Variants in FGF14 observed in about 807,000 individuals in gnomAD.
FGF14 encodes fibroblast growth factor homologous factor 4.
A neutral mutation model predicts 25.5 loss-of-function variants in FGF14; 5 were observed. That is an observed-to-expected ratio of 0.20 (90% CI 0.10 to 0.41). The LOEUF is 0.41. Among genes scored for constraint, FGF14 ranks in the 10% least tolerant of loss-of-function variants. The pLI is 1.00. For synonymous variants in FGF14, 138 were observed against 118.3 expected (o/e 1.17, Z -1.08); for missense variants, 222 against 320.1 (o/e 0.69, Z 2.34).
chr13:101,975,962 T>C (rs1268908443), intron 1 of FGF14, among the ~76,000 whole-genome samples: 1 of 152,206 alleles, frequency 6.6e-6, no homozygotes, highest in Non-Finnish European at 1.5e-5. Flanking sequence ...GGCCTGGTTC[T>C]GTGGGAAGCA....
At chr13:102,055,541 C>T (rs1329591556) in intron 1 of FGF14, among the ~76,000 whole-genome samples, 2 of 152,206 alleles carry the variant, frequency 1.3e-5, no homozygotes, top group Admixed American at 6.5e-5. Context: ...TTACCCTGTT[C>T]TATTAACAAA....
intron 1 of FGF14, among the ~76,000 whole-genome samples, chr13:102,374,643 T>TA (rs1273984679): frequency 1.8e-4 from 17 of 95,468 alleles, no homozygotes; most frequent in South Asian, 1.1e-3. Context: ...TCTTACATAT[T>TA]TTATATATAT....
chr13:102,066,483 T>C, intron 1 of FGF14, among the ~76,000 whole-genome samples: 1 of 152,278 alleles, frequency 6.6e-6, no homozygotes, highest in Middle Eastern at 3.4e-3. Flanking sequence ...GTAAGGACAT[T>C]GACAAGCATG....
chr13:102,292,312 ATTTCAAAGCAT>A (rs908364037), intron 1 of FGF14: 1 of 149,166 alleles, frequency 6.7e-6, no homozygotes, highest in Non-Finnish European at 1.5e-5. Context: ...AAAACTGACA[ATTTCAAAGCAT>A]TTTCAAAGCA....
At chr13:101,905,981 T>C (rs2032191569) in intron 1 of FGF14, among the ~76,000 whole-genome samples, 1 of 152,110 alleles carries the variant, frequency 6.6e-6, no homozygotes, top group Non-Finnish European at 1.5e-5. Context: ...AAGTATGAGA[T>C]GTGGTATGCA....
intron 1 of FGF14, chr13:102,395,060 A>T (rs193251108): frequency 6.6e-6 from 1 of 152,386 alleles, no homozygotes; most frequent in East Asian, 1.9e-4. Flanking sequence ...CAAATAGATC[A>T]GGGTGGTAGG....
intron 3 of FGF14, among the ~76,000 whole-genome samples, chr13:101,755,576 CA>C (rs1490438581): frequency 7.2e-5 from 11 of 152,136 alleles, no homozygotes; most frequent in African/African-American, 2.7e-4. Context: ...TCAAGGAATT[CA>C]GAAAAATTGG....
chr13:101,903,515 A>T (rs145328585), intron 1 of FGF14, among the ~76,000 whole-genome samples: 372 of 152,240 alleles, frequency 2.4e-3, no homozygotes, highest in African/African-American at 8.6e-3. Flanking sequence ...GGCATTAAAC[A>T]GACTTTTAGT....
intron 1 of FGF14, among the ~76,000 whole-genome samples, chr13:101,987,260 T>G (rs1194808892): frequency 6.6e-6 from 1 of 152,096 alleles, no homozygotes; most frequent in East Asian, 1.9e-4. Flanking sequence ...TGACAGCTAC[T>G]GCGCCCTGCT....
intron 1 of FGF14, among the ~76,000 whole-genome samples, chr13:102,350,667 G>A (rs2057250543): frequency 1.3e-5 from 2 of 152,276 alleles, no homozygotes; most frequent in South Asian, 2.1e-4. Flanking sequence ...CACAGGAAGG[G>A]GATGACCAGT....
At chr13:101,766,368 G>C (rs1423407026) in intron 3 of FGF14, among the ~76,000 whole-genome samples, 4 of 151,996 alleles carry the variant, frequency 2.6e-5, no homozygotes, top group Admixed American at 6.6e-5. Context: ...AAATTGGTTG[G>C]TGTTCACATA....
At chr13:102,161,830 A>G (rs910323375) in intron 1 of FGF14, among the ~76,000 whole-genome samples, 1 of 129,024 alleles carries the variant, frequency 7.8e-6, no homozygotes, top group Non-Finnish European at 1.7e-5. Flanking sequence ...GAAGATAATT[A>G]AAAAAAAAAA....
chr13:101,979,450 G>A (rs1326030693), intron 1 of FGF14, among the ~76,000 whole-genome samples: 2 of 152,010 alleles, frequency 1.3e-5, no homozygotes, highest in Non-Finnish European at 2.9e-5. Context: ...TTCAAAATAG[G>A]CCTTGTTATT....
intron 3 of FGF14, among the ~76,000 whole-genome samples, chr13:101,863,106 T>C (rs190564123): frequency 6.6e-6 from 1 of 152,264 alleles, no homozygotes; most frequent in East Asian, 1.9e-4. Context: ...CAGAAAAACA[T>C]GCATAGTGTC....
At chr13:102,121,735 A>T (rs557926) in intron 1 of FGF14, among the ~76,000 whole-genome samples, 27,674 of 152,098 alleles carry the variant, frequency 0.18, 2,934 homozygotes, top group African/African-American at 0.3. Flanking sequence ...GAAATTGAGG[A>T]CGGGAATGTC....
At chr13:102,257,903 A>G (rs1056068298) in intron 1 of FGF14, among the ~76,000 whole-genome samples, 3 of 152,158 alleles carry the variant, frequency 2.0e-5, no homozygotes, top group Non-Finnish European at 4.4e-5. Context: ...TTCATCAGCC[A>G]CTTCTACCTA....
intron 1 of FGF14, among the ~76,000 whole-genome samples, chr13:102,352,685 G>C (rs956217458): frequency 2.0e-5 from 3 of 151,926 alleles, no homozygotes; most frequent in African/African-American, 7.3e-5. Flanking sequence ...GGTGGTGGGC[G>C]CCTGTAGTCC....
At chr13:101,776,878 G>C (rs912790584) in intron 3 of FGF14, among the ~76,000 whole-genome samples, 3 of 152,172 alleles carry the variant, frequency 2.0e-5, no homozygotes, top group African/African-American at 4.8e-5. Context: ...TTTTGGTGAG[G>C]GTTTCCATTT....
rs201487248 is a variant in FGF14, at chr13:101,868,684, T to C, written c.408+41A>G. On this transcript the variant is annotated intron_variant, in intron 3 of 4. Coordinates refer to ENST00000376143, the MANE Select transcript of FGF14 (RefSeq NM_004115.4). ...TTGTTGCTGCCATTGTTATTTTACA[T>C]GCATTGAACGAATGGCCGAGATCTT... 377 of 1,162,462 alleles carry C rather than the reference T, an allele frequency of 3.2e-4. 2 individuals carry two copies. The Admixed American group carries it at 6.2e-3, about 19-fold the overall frequency. 72.0% of individuals were successfully genotyped at this position (1,162,462 alleles called of 1,614,324 possible).
Sources: gnomAD v4.1 joint callset for allele counts (sites outside exome capture counted in the v4.1 genomes callset) on GRCh38, gnomAD v4.1.1 for gene constraint, MANE v1.5 for transcripts, NCBI Gene and HGNC (gene_info 2026-07-23, HGNC 2026-07-21) for gene names.